CCDC171: variants seen among roughly 807,000 people sequenced by gnomAD.
CCDC171 encodes coiled-coil domain containing 171.
A neutral mutation model predicts 168.2 loss-of-function variants in CCDC171; 177 were observed. The ratio of observed to expected loss-of-function variants is 1.05; its 90% CI spans 0.93 to 1.19. The LOEUF (loss-of-function observed/expected upper bound fraction) is 1.19, where lower values mean the gene tolerates loss of function less well. CCDC171 is among the 50% of genes most tolerant of loss of function. CCDC171 has a pLI of 0.00. For synonymous variants in CCDC171, 687 were observed against 540.8 expected, an observed-to-expected ratio of 1.27 and a Z score of -3.75; for missense variants, 1,991 against 1,539.0, an observed-to-expected ratio of 1.29 and a Z score of -4.91.
intron 18 of CCDC171, among the ~76,000 whole-genome samples, chr9:15,777,220 A>G (rs1316389003): frequency 6.6e-6 from 1 of 152,224 alleles, no homozygotes; most frequent in East Asian, 1.9e-4. Context: ...AATAAGGCAA[A>G]TTATATTTTC....
intron 4 of CCDC171, among the ~76,000 whole-genome samples, chr9:15,583,894 G>C (rs1379277432): frequency 6.6e-6 from 1 of 152,076 alleles, no homozygotes; most frequent in East Asian, 1.9e-4. Flanking sequence ...TTGAGATGGA[G>C]TCTCCCTCTT....
At chr9:16,047,276 C>G (rs947917636) in intron 1 of CCDC171, among the ~76,000 whole-genome samples, 5 of 152,176 alleles carry the variant, frequency 3.3e-5, no homozygotes, top group African/African-American at 7.2e-5. Context: ...AATCTGTGCC[C>G]TCCCTGGTCT....
At chr9:15,755,738 A>C (rs1308759023) in intron 18 of CCDC171, among the ~76,000 whole-genome samples, 2 of 152,226 alleles carry the variant, frequency 1.3e-5, no homozygotes, top group African/African-American at 2.4e-5. Flanking sequence ...TGAAATGTCC[A>C]GAGTAGACAC....
At position 15,781,953 on chromosome 9, in the gene CCDC171, A is replaced by G. The variant is rs111533642; in HGVS notation, c.3082-2556A>G. Reference sequence around the variant, plus strand: ...TGGAGTCATATAGTTATTAATGGAAATGACAGACTTTGAACTTGGTTCCTG... The same window carrying G: ...TGGAGTCATATAGTTATTAATGGAAGTGACAGACTTTGAACTTGGTTCCTG... On this transcript the variant is annotated intron_variant, in intron 20 of 25. Coordinates refer to ENST00000380701, the MANE Select transcript of CCDC171 (RefSeq NM_173550.4). Among the ~76,000 whole-genome samples the G allele has an allele frequency of 3.3e-4, 50 of 152,278 alleles. 3 individuals are homozygous for G. The highest frequency in any genetic ancestry group is 1.2e-3 in the African/African-American group (49 of 41,564).
Position 15,992,468 on chromosome 9 carries a change from C to A in CCDC171, n.369-28121C>A, listed in dbSNP as rs558539357. Among the ~76,000 whole-genome samples, 73 of 152,244 alleles carry A rather than the reference C, an allele frequency of 4.8e-4. No homozygotes were observed. The South Asian group carries it at 0.015, about 31-fold the overall frequency. ...TCAAAATAATAAGAGCTATTTATGA[C>A]AAACCCATAGTCAATATCATACTGA... On this transcript the variant is annotated intron_variant and non_coding_transcript_variant, in intron 3 of 9. Transcript: ENST00000486641.
intron 24 of CCDC171, among the ~76,000 whole-genome samples, chr9:15,917,564 AAG>A (rs1345049165): frequency 6.6e-6 from 1 of 151,754 alleles, no homozygotes; most frequent in East Asian, 1.9e-4. Context: ...TAGATCAAGG[AAG>A]AGTTATCCAC....
chr9:15,672,263 T>G (rs976487413), intron 9 of CCDC171, among the ~76,000 whole-genome samples: 6 of 152,232 alleles, frequency 3.9e-5, no homozygotes, highest in African/African-American at 1.4e-4. Flanking sequence ...CTTTGTCAGA[T>G]GGATAAATTG....
intron 25 of CCDC171, among the ~76,000 whole-genome samples, chr9:15,930,371 A>G (rs1826365987): frequency 6.6e-6 from 1 of 151,580 alleles, no homozygotes; most frequent in Non-Finnish European, 1.5e-5. Context: ...TTTAAATAAT[A>G]TACATTGGAT....
At chr9:15,866,419 T>C (rs764620594) in intron 23 of CCDC171, among the ~76,000 whole-genome samples, 39 of 151,890 alleles carry the variant, frequency 2.6e-4, no homozygotes, top group Non-Finnish European at 5.3e-4. Flanking sequence ...GAAGGAAGGA[T>C]GTGAAACTTA....
intron 2 of CCDC171, among the ~76,000 whole-genome samples, chr9:15,570,055 C>G (rs1050501690): frequency 3.3e-5 from 5 of 152,116 alleles, no homozygotes; most frequent in Non-Finnish European, 5.9e-5. Context: ...ACTGCAACCT[C>G]TGCTTCCTGG....
rs540519155 is a variant in CCDC171 at position 15,862,187 on chromosome 9, G to T, written c.3469-12345G>T. 4.9e-3 allele frequency among the ~76,000 whole-genome samples: 694 copies of T among 141,462 alleles called. 3 individuals carry two copies. The highest frequency in any genetic ancestry group is 0.017 in the African/African-American group (663 of 38,382). 92.8% of individuals were successfully genotyped at this position (141,462 alleles called of 152,430 possible). On this transcript the variant is annotated intron_variant, in intron 23 of 25. Transcript: ENST00000380701. ...ATTCTCTTTTTTTGAATTAAAAAAA[G>T]AATAAAAAAGACTTAAAAATTCTCT...
intron 11 of CCDC171, among the ~76,000 whole-genome samples, chr9:15,705,810 G>C (rs2052175930): frequency 6.6e-6 from 1 of 152,156 alleles, no homozygotes. Context: ...TAAGCAGCTA[G>C]AATAGTACTT....
intron 7 of CCDC171, among the ~76,000 whole-genome samples, chr9:15,633,425 G>T (rs191697183): frequency 1.3e-5 from 2 of 152,186 alleles, no homozygotes; most frequent in Non-Finnish European, 2.9e-5. Flanking sequence ...ATGAAAAAAT[G>T]CTCACCGTCA....
At chr9:16,039,816 T>C (rs777199509), upstream of CCDC171, among the ~76,000 whole-genome samples, 3 of 151,930 alleles carry the variant, frequency 2.0e-5, no homozygotes, top group Non-Finnish European at 4.4e-5. Context: ...GGAAATACCA[T>C]CTCCAGCCAG....
chr9:15,776,182 A>G (rs2057316330), intron 18 of CCDC171: 1 of 152,096 alleles, frequency 6.6e-6, no homozygotes, highest in African/African-American at 2.4e-5. Context: ...TATTATTATA[A>G]AAACATGGAA....
chr9:16,104,559 C>T, the CCDC171 span, among the ~76,000 whole-genome samples: 2 of 152,130 alleles, frequency 1.3e-5, no homozygotes, highest in Non-Finnish European at 1.5e-5. Context: ...ACAGAGATTT[C>T]AGGGAGGCAG....
intron 17 of CCDC171, 109 bp downstream of exon 17, chr9:15,744,886 A>G (rs192354904): frequency 6.3e-6 from 6 of 956,814 alleles, no homozygotes. Flanking sequence ...AATATGCCAA[A>G]TAATATAACA....
At chr9:15,669,406 G>A (rs1428675059) in intron 9 of CCDC171, among the ~76,000 whole-genome samples, 1 of 152,078 alleles carries the variant, frequency 6.6e-6, no homozygotes, top group African/African-American at 2.4e-5. Context: ...CATACAATGT[G>A]TGATGATCAA....
At chr9:15,747,684 C>T (rs1291139383) in intron 18 of CCDC171, among the ~76,000 whole-genome samples, 1 of 152,176 alleles carries the variant, frequency 6.6e-6, no homozygotes, top group African/African-American at 2.4e-5. Flanking sequence ...AACTAACAGA[C>T]AGAAAGGAAT....
Sources: gnomAD v4.1 joint callset for allele counts (sites outside exome capture counted in the v4.1 genomes callset) on GRCh38, gnomAD v4.1.1 for gene constraint, MANE v1.5 for transcripts, NCBI Gene and HGNC (gene_info 2026-07-23, HGNC 2026-07-21) for gene names.